The following COG1 variants were observed in gnomAD, a reference collection of about 807,000 sequenced individuals.
COG1 encodes the protein conserved oligomeric Golgi complex subunit 1.
A neutral mutation model predicts 102.2 loss-of-function variants in COG1; 61 were observed. The ratio of observed to expected loss-of-function variants is 0.60; its 90% CI spans 0.49 to 0.74. The LOEUF is 0.74. Among genes scored for constraint, COG1 ranks in the 30% least tolerant of loss-of-function variants. COG1 has a pLI of 0.00. For missense variants in COG1, 1,164 were observed against 1,232.1 expected (o/e 0.94, Z 0.83); for synonymous variants, 454 against 493.6 (o/e 0.92, Z 1.06).
In COG1 at chr17:73,208,296, C is replaced by A. The variant is rs1215601000; in HGVS notation, c.2806-18C>A. 1 of 1,612,790 alleles carries A rather than the reference C, an allele frequency of 6.2e-7. No homozygotes were observed. The highest frequency in any genetic ancestry group is 8.5e-7 in the Non-Finnish European group (1 of 1,180,034). ...CTCAGGCCAACTCTAAGGCACTTTT[C>A]TCTACATCCAATGGCAGGTTGTCCC... On this transcript the variant is annotated intron_variant, in intron 13 of 13. Transcript: ENST00000299886.
chr17:73,201,277 C>T lies in COG1; in HGVS notation c.1450C>T (p.Pro484Ser). 2 of 1,614,246 alleles carry T rather than the reference C, an allele frequency of 1.2e-6. No individual in the cohort carries two copies. Among genetic ancestry groups the T allele is most frequent in the Non-Finnish European group, 1.7e-6 (2 of 1,180,042 alleles). ...FLWSESPNDL[P>S]SDAAWVSVAN... ...CTGGTCTGAGAGTCCTAATGACCTG[C>T]CTTCCGATGCGGCCTGGGTCAGCGT... Residue 484 changes from proline (P) to serine (S), a missense_variant, in exon 7 of 14, where the codon CCT becomes TCT. By Grantham distance (74) the Pro-to-Ser change is moderately conservative. Coordinates refer to ENST00000299886, the MANE Select transcript of COG1 (RefSeq NM_018714.3).
chr17:73,199,228 T>A (rs1289804272), intron 4 of COG1, among the ~76,000 whole-genome samples: 1 of 152,210 alleles, frequency 6.6e-6, no homozygotes, highest in East Asian at 1.9e-4. Context: ...GGATAAGCAG[T>A]CATCGATTCT....
At chr17:73,202,721 G>A (rs932257527) in intron 7 of COG1, among the ~76,000 whole-genome samples, 1 of 152,180 alleles carries the variant, frequency 6.6e-6, no homozygotes, top group East Asian at 1.9e-4. Flanking sequence ...CTAGGAGGTC[G>A]AGGCTGCAGT....
chr17:73,207,765 T>C (rs745909058), intron 13 of COG1: 18 of 1,289,678 alleles, frequency 1.4e-5, no homozygotes, highest in Non-Finnish European at 1.7e-5. Flanking sequence ...GCTGTGTGCA[T>C]GTGTGTTTGA....
chr17:73,196,998 A>G lies in COG1; in HGVS notation c.659A>G (p.Glu220Gly), dbSNP rs1181259118. The G allele has an allele frequency of 1.7e-5, 27 of 1,614,086 alleles. No homozygotes were observed. Among genetic ancestry groups the G allele is most frequent in the Non-Finnish European group, 2.2e-5 (26 of 1,180,044 alleles). Residue 220 changes from glutamate to glycine, a missense_variant, in exon 3 of 14, where the codon GAG becomes GGG. Transcript: ENST00000299886. Reference protein sequence around the residue: ...EALCSIMLLEESSPRQALTDF... With the variant: ...EALCSIMLLEGSSPRQALTDF... ...CTGTGCTCTATAATGCTCTTAGAAG[A>G]GAGTTCTCCTCGCCAAGCCCTCACA... is the stretch of plus-strand genomic sequence containing the variant.
intron 2 of COG1, 70 bp downstream of exon 2, chr17:73,196,821 G>A: frequency 1.9e-6 from 3 of 1,613,720 alleles, no homozygotes; most frequent in Non-Finnish European, 2.5e-6. Context: ...TATGGCGTTT[G>A]TCTTCTTTCC....
At chr17:73,203,193 A>G in intron 8 of COG1, 47 bp downstream of exon 8, 1 of 1,605,760 alleles carries the variant, frequency 6.2e-7, no homozygotes, top group African/African-American at 1.3e-5. Context: ...TGCTCCGTGG[A>G]AAAGAAGAAA....
chr17:73,195,643 G>A (rs2061322375), intron 1 of COG1, among the ~76,000 whole-genome samples: 1 of 152,006 alleles, frequency 6.6e-6, no homozygotes, highest in African/African-American at 2.4e-5. Flanking sequence ...GCTGGGCGCG[G>A]TGGCTCAGGC....
At chr17:73,205,175 CAA>C in intron 9 of COG1, 1 of 300,638 alleles carries the variant, frequency 3.3e-6, no homozygotes, top group South Asian at 3.1e-5. Context: ...AACAAACAAA[CAA>C]ACAAACAAAC....
In COG1 at chr17:73,196,563, C is replaced by A. The variant is rs748141403; in HGVS notation, c.372C>A (p.Leu124=). The change falls in exon 2 of 14, where the codon CTC becomes CTA. Residue 124 remains leucine (L), a synonymous_variant. Transcript: ENST00000299886. ...FYSMAAQIKL[L]LEIPEKIWSS... Reference sequence around the variant, plus strand: ...GCATGGCTGCCCAGATCAAGCTACTCTTAGAAATTCCGGAGAAGATCTGGA... The same window carrying A: ...GCATGGCTGCCCAGATCAAGCTACTATTAGAAATTCCGGAGAAGATCTGGA... 6.2e-7 allele frequency: 1 copy of A among 1,614,248 alleles called. No individual in the cohort carries two copies. Among genetic ancestry groups the A allele is most frequent in the South Asian group, 1.1e-5 (1 of 91,086 alleles).
chr17:73,196,967 G>C lies in COG1; in HGVS notation c.628G>C (p.Glu210Gln), dbSNP rs567533944. 5.4e-5 allele frequency: 87 copies of C among 1,614,048 alleles called. 1 individual carries two copies. In the Admixed American group the frequency reaches 8.7e-4, roughly 16 times the overall value. ...CQGVSDQAVAEALCSIMLLEE... is the reference protein window; with the variant it reads ...CQGVSDQAVAQALCSIMLLEE... ...AGGTGTGTCTGACCAAGCTGTGGCCGAGGCCCTGTGCTCTATAATGCTCTT... is the reference window on the plus strand; with the variant it reads ...AGGTGTGTCTGACCAAGCTGTGGCCCAGGCCCTGTGCTCTATAATGCTCTT... The change falls in exon 3 of 14, where the codon GAG (glutamate) becomes CAG (glutamine). Residue 210 changes from glutamate to glutamine, a missense_variant. Physicochemically the swap from Glu to Gln is conservative, Grantham distance 29. Coordinates refer to ENST00000299886, the MANE Select transcript of COG1 (RefSeq NM_018714.3).
intron 6 of COG1, 85 bp from the exon 7 acceptor site, chr17:73,201,024 C>A: frequency 1.6e-6 from 2 of 1,279,250 alleles, no homozygotes; most frequent in Non-Finnish European, 2.3e-6. Context: ...CTTCTGAATG[C>A]TAGGATAAAT....
chr17:73,205,803 T>A, intron 10 of COG1, 123 bp downstream of exon 10: 1 of 1,299,716 alleles, frequency 7.7e-7, no homozygotes, highest in Non-Finnish European at 1.1e-6. Context: ...TTTTGAACAG[T>A]AAGTGCTCAT....
intron 13 of COG1, 63 bp from the exon 14 acceptor site, chr17:73,208,251 A>G (rs2061392803): frequency 3.1e-6 from 5 of 1,609,802 alleles, no homozygotes; most frequent in African/African-American, 2.7e-5. Flanking sequence ...CGTCGCGCGG[A>G]GGGCGAGTGG....
At chr17:73,201,945 A>G in intron 7 of COG1, 45 bp downstream of exon 7, 1 of 1,573,610 alleles carries the variant, frequency 6.4e-7, no homozygotes, top group Non-Finnish European at 8.7e-7. Context: ...CACTTCTGTC[A>G]TATTCCAGTC....
At chr17:73,197,991 G>A (rs2061332175) in intron 4 of COG1, among the ~76,000 whole-genome samples, 1 of 152,204 alleles carries the variant, frequency 6.6e-6, no homozygotes, top group African/African-American at 2.4e-5. Context: ...TGTTATGTGT[G>A]CCCGTGCATC....
chr17:73,194,545 C>G (rs894739321), intron 1 of COG1, among the ~76,000 whole-genome samples: 45 of 151,406 alleles, frequency 3.0e-4, no homozygotes, highest in Non-Finnish European at 5.6e-4. Flanking sequence ...CTCACTGCAA[C>G]CTCCGCCTCC....
rs183828823 is a variant in COG1, at chr17:73,202,049, C to G, written c.2073+149C>G. The G allele has an allele frequency of 1.3e-5, 12 of 939,694 alleles. No individual in the cohort carries two copies. In the East Asian group the frequency reaches 2.9e-4, roughly 23 times the overall value. 58.2% of individuals were successfully genotyped at this position (939,694 alleles called of 1,614,324 possible). On this transcript the variant is annotated intron_variant, in intron 7 of 13. Coordinates refer to ENST00000299886, the MANE Select transcript of COG1 (RefSeq NM_018714.3). ...TCTCTGCCAGAAAGTTCAGTAAAAA[C>G]TTTTTTGGCCGGGCGCGGTGGCTCA...
intron 5 of COG1, 100 bp downstream of exon 5, chr17:73,200,121 G>A: frequency 7.1e-7 from 1 of 1,399,296 alleles, no homozygotes; most frequent in Non-Finnish European, 9.9e-7. Flanking sequence ...CAGAAAGCCT[G>A]TCCTGGATGG....
Sources: gnomAD v4.1 joint callset for allele counts (sites outside exome capture counted in the v4.1 genomes callset) on GRCh38, gnomAD v4.1.1 for gene constraint, MANE v1.5 for transcripts, NCBI Gene and HGNC (gene_info 2026-07-23, HGNC 2026-07-21) for gene names.